Variants in COL19A1 observed in about 807,000 individuals in gnomAD.
COL19A1 encodes the protein collagen alpha-1(XIX) chain.
A neutral mutation model predicts 190.2 loss-of-function variants in COL19A1; 159 were observed. The ratio of observed to expected loss-of-function variants is 0.84; its 90% confidence interval spans 0.73 to 0.95. The LOEUF (loss-of-function observed/expected upper bound fraction) is 0.95, where lower values mean the gene tolerates loss of function less well. Ranked by LOEUF, COL19A1 falls within the 40% of genes least tolerant of loss-of-function variation. The pLI is 0.00. For synonymous variants in COL19A1, 509 were observed against 458.9 expected, an observed-to-expected ratio of 1.11 and a Z score of -1.39; for missense variants, 1,418 against 1,431.9, an observed-to-expected ratio of 0.99 and a Z score of 0.16.
At chr6:70,065,250 C>T (rs1401229882) in intron 14 of COL19A1, among the ~76,000 whole-genome samples, 1 of 152,056 alleles carries the variant, frequency 6.6e-6, no homozygotes, top group Admixed American at 6.6e-5. Flanking sequence ...ATACTGGTAC[C>T]AAAACAGAGA....
intron 34 of COL19A1, among the ~76,000 whole-genome samples, chr6:70,160,262 A>C (rs1410755471): frequency 6.6e-6 from 1 of 152,100 alleles, no homozygotes; most frequent in East Asian, 1.9e-4. Context: ...AGGCAGCAGG[A>C]GAGAGAGCAA....
intron 16 of COL19A1, among the ~76,000 whole-genome samples, chr6:70,111,951 C>T (rs751269018): frequency 1.3e-5 from 2 of 152,166 alleles, no homozygotes; most frequent in Non-Finnish European, 2.9e-5. Flanking sequence ...AAGCTAGTGC[C>T]ACCAGCCTGG....
intron 17 of COL19A1, among the ~76,000 whole-genome samples, chr6:70,127,766 C>G (rs1221982737): frequency 7.2e-6 from 1 of 138,632 alleles, no homozygotes; most frequent in Admixed American, 7.3e-5. Flanking sequence ...TATTCACTAT[C>G]ATGAGAATAG....
intron 12 of COL19A1, among the ~76,000 whole-genome samples, chr6:70,031,550 G>A (rs2150113635): frequency 6.6e-6 from 1 of 152,128 alleles, no homozygotes; most frequent in African/African-American, 2.4e-5. Context: ...ATGTAAGAAA[G>A]AACATGGAAT....
chr6:69,988,046 T>C (rs1776405012), intron 11 of COL19A1, among the ~76,000 whole-genome samples: 1 of 152,222 alleles, frequency 6.6e-6, no homozygotes, highest in Admixed American at 6.5e-5. Context: ...TCAAAAATGG[T>C]TCACTATTGA....
rs1787018299 is a variant in COL19A1, at chr6:70,150,924, C to T, written c.2038-473C>T. Among the ~76,000 whole-genome samples, 3 of 152,178 alleles carry T rather than the reference C, an allele frequency of 2.0e-5. No individual in the cohort carries two copies. The South Asian group carries it at 6.2e-4, about 32-fold the overall frequency. ...TTCCTTCAGTGTTTGTCTTGCCTAT[C>T]ACTTAAGCCAACTGTAGGTTCTTTG... On this transcript the variant is annotated intron_variant, in intron 30 of 50. Transcript: ENST00000620364.
intron 40 of COL19A1, among the ~76,000 whole-genome samples, chr6:70,169,105 C>A (rs1765346370): frequency 2.0e-5 from 3 of 151,746 alleles, no homozygotes; most frequent in Admixed American, 1.3e-4. Context: ...TTGCTTTAAA[C>A]GTCTTAGGCA....
At chr6:70,025,548 T>C (rs893259996) in intron 12 of COL19A1, among the ~76,000 whole-genome samples, 1 of 152,198 alleles carries the variant, frequency 6.6e-6, no homozygotes, top group African/African-American at 2.4e-5. Flanking sequence ...TTGTCCTTCC[T>C]CCTCAGGACA....
In COL19A1 at chr6:70,208,983, GTTTA is replaced by G. The variant is rs1332469000; in HGVS notation, c.*1717_*1720del. 2.0e-5 allele frequency: 3 copies of G among 151,712 alleles called. No individual in the cohort carries two copies. The highest frequency in any genetic ancestry group is 1.9e-4 in the East Asian group (1 of 5,182). 9.4% of individuals were successfully genotyped at this position (151,712 alleles called of 1,614,324 possible). A position where few individuals can be genotyped will look rare whatever the true frequency, so the allele number is the denominator to read the frequency against. On this transcript the variant is annotated 3_prime_UTR_variant, in exon 51 of 51. Coordinates refer to ENST00000620364, the MANE Select transcript of COL19A1 (RefSeq NM_001858.6). ...ATTATGCTGTATATTTCAATTCCAA[GTTTA>G]TTTATTTTCCAAGGTTATTTTATTT...
intron 1 of COL19A1, among the ~76,000 whole-genome samples, chr6:69,867,217 G>A (rs1410087817): frequency 6.6e-6 from 1 of 152,080 alleles, no homozygotes; most frequent in Non-Finnish European, 1.5e-5. Context: ...CTCCACATGT[G>A]GGTGTTTTTC....
Position 70,151,444 on chromosome 6 carries a change from C to G in COL19A1, c.2079+6C>G. The stretch of plus-strand genomic sequence containing the variant: ...ACATCGGTGCTTTGCTCAAGGTACT[C>G]TATTGCTATGTAAGAAATTATGTGT... On this transcript the variant is annotated splice_donor_region_variant and intron_variant, in intron 31 of 50. Coordinates refer to ENST00000620364, the MANE Select transcript of COL19A1 (RefSeq NM_001858.6). 1 of 1,611,744 alleles carries G rather than the reference C, an allele frequency of 6.2e-7. No homozygotes were observed. The highest frequency in any genetic ancestry group is 8.5e-7 in the Non-Finnish European group (1 of 1,178,602).
intron 41 of COL19A1, among the ~76,000 whole-genome samples, chr6:70,174,499 G>A (rs1034375868): frequency 6.6e-6 from 1 of 151,968 alleles, no homozygotes; most frequent in African/African-American, 2.4e-5. Flanking sequence ...GGCAGAGGTT[G>A]CAGTGAGCCG....
intron 1 of COL19A1, among the ~76,000 whole-genome samples, chr6:69,874,737 C>T (rs774447024): frequency 9.3e-5 from 14 of 150,822 alleles, no homozygotes; most frequent in Admixed American, 4.6e-4. Context: ...GGCAACAGAG[C>T]GAGACTCTGT....
chr6:70,080,888 T>C (rs919357380), intron 15 of COL19A1, among the ~76,000 whole-genome samples: 1 of 152,210 alleles, frequency 6.6e-6, no homozygotes, highest in Non-Finnish European at 1.5e-5. Flanking sequence ...GGTAACTTAC[T>C]ATGGGCTTAA....
chr6:69,998,241 C>T (rs1777040560), intron 11 of COL19A1, among the ~76,000 whole-genome samples: 1 of 152,146 alleles, frequency 6.6e-6, no homozygotes. Context: ...CATGCAAATA[C>T]ATTATAACAG....
At chr6:69,913,972 C>T (rs1771127569) in intron 4 of COL19A1, among the ~76,000 whole-genome samples, 1 of 151,940 alleles carries the variant, frequency 6.6e-6, no homozygotes, top group African/African-American at 2.4e-5. Context: ...AAAAAAAAAC[C>T]CTTTCCTGGC....
intron 49 of COL19A1, among the ~76,000 whole-genome samples, chr6:70,206,257 A>G (rs1767841169): frequency 6.6e-6 from 1 of 152,204 alleles, no homozygotes. Flanking sequence ...AAGAGGGCTC[A>G]CACAGCTTGT....
intron 15 of COL19A1, among the ~76,000 whole-genome samples, chr6:70,073,275 A>T (rs1781668916): frequency 6.6e-6 from 1 of 152,132 alleles, no homozygotes; most frequent in African/African-American, 2.4e-5. Context: ...GGCCTGAGCC[A>T]CAGCGCCTGG....
chr6:70,156,346 A>C lies in COL19A1; in HGVS notation c.2215A>C (p.Ile739Leu). The C allele has an allele frequency of 1.9e-6, 3 of 1,613,354 alleles. No homozygotes were observed. Among genetic ancestry groups the C allele is most frequent in the Non-Finnish European group, 2.5e-6 (3 of 1,179,574 alleles). ...TATAGGGCCACGGGGTCCTCCAGGAATCCCAGGAAGAGAGGGACCAAAGGT... is the reference window on the plus strand; with the variant it reads ...TATAGGGCCACGGGGTCCTCCAGGACTCCCAGGAAGAGAGGGACCAAAGGT... ...GDIGPRGPPG[I>L]PGREGPKGSK... Residue 739 changes from isoleucine to leucine, a missense_variant, in exon 33 of 51, where the codon ATC becomes CTC. Transcript: ENST00000620364.
Sources: allele counts gnomAD v4.1 joint callset (sites outside exome capture counted in the v4.1 genomes callset), GRCh38; gene constraint gnomAD v4.1.1; transcripts MANE v1.5; gene names NCBI Gene and HGNC (gene_info 2026-07-23, HGNC 2026-07-21).